The following UBL7 variants were observed in gnomAD, a reference collection of about 807,000 sequenced individuals.
The protein encoded by UBL7 is ubiquitin like 7, also known as ubiquitin-like protein 7.
Under a neutral mutation model 41.7 loss-of-function variants are expected in UBL7, and 21 were observed. The ratio of observed to expected loss-of-function variants is 0.50; its 90% CI spans 0.36 to 0.73. The LOEUF is 0.73. Among genes scored for constraint, UBL7 ranks in the 30% least tolerant of loss-of-function variants. The pLI is 0.00. For synonymous variants in UBL7, 157 were observed against 186.9 expected, an observed-to-expected ratio of 0.84 and a Z score of 1.31; for missense variants, 403 against 478.4, an observed-to-expected ratio of 0.84 and a Z score of 1.47.
chr15:74,458,673 G>C lies in UBL7; in HGVS notation c.184+11C>G, dbSNP rs1387417680. On this transcript the variant is annotated intron_variant, in intron 2 of 10. Coordinates refer to ENST00000395081, the MANE Select transcript of UBL7 (RefSeq NM_032907.5). ...AGAGCAGCAGCCCAACCCCAGTCCA[G>C]AGAGACTCACCAATCAGCTCAGGGT... The C allele has an allele frequency of 6.2e-7, 1 of 1,607,936 alleles. No individual in the cohort carries two copies. The highest frequency in any genetic ancestry group is 1.7e-5 in the Admixed American group (1 of 59,960).
At chr15:74,451,002 G>A (rs2061240559) in intron 5 of UBL7, 143 bp from the exon 6 acceptor site, 9 of 834,892 alleles carry the variant, frequency 1.1e-5, no homozygotes, top group Middle Eastern at 3.0e-4. Context: ...GAAGCAAAGC[G>A]CCAAGCAATA....
chr15:74,455,593 C>T lies in UBL7; in HGVS notation c.304+959G>A, dbSNP rs142852125. On this transcript the variant is annotated intron_variant, in intron 3 of 10. Transcript: ENST00000395081. ...TTTCTAATGAGAACAACGATAATAA[C>T]AAAAGGATACAAAGTTTACTTTGTA... 6.1e-3 allele frequency among the ~76,000 whole-genome samples: 921 copies of T among 152,218 alleles called. 6 individuals are homozygous for T. The highest frequency in any genetic ancestry group is 0.031 in the Middle Eastern group (9 of 294).
chr15:74,451,377 TCTC>T lies in UBL7; in HGVS notation c.472+56_472+58del, dbSNP rs751061931. 960 of 1,414,266 alleles carry T rather than the reference TCTC, an allele frequency of 6.8e-4. 3 individuals are homozygous for T. The highest frequency in any genetic ancestry group is 8.7e-4 in the Non-Finnish European group (872 of 1,002,346). 87.6% of individuals were successfully genotyped at this position (1,414,266 alleles called of 1,614,324 possible). On this transcript the variant is annotated intron_variant, in intron 5 of 10. Transcript: ENST00000395081. ...CCAAGTCTCTTTAGAGGAATTGTCT[TCTC>T]CTGTTTTCTCCTTTTCCGACAACTC...
At chr15:74,448,966 G>C (rs1432738210) in intron 9 of UBL7, among the ~76,000 whole-genome samples, 1 of 152,138 alleles carries the variant, frequency 6.6e-6, no homozygotes, top group African/African-American at 2.4e-5. Flanking sequence ...TGAACTAATA[G>C]GGGGGACTAC....
intron 8 of UBL7, 95 bp downstream of exon 8, chr15:74,449,531 C>T: frequency 1.9e-6 from 3 of 1,595,898 alleles, no homozygotes; most frequent in Non-Finnish European, 2.6e-6. Context: ...TGTCCATCTC[C>T]CAGCCTTGGG....
Position 74,461,111 on chromosome 15 carries a change from T to C in UBL7, c.-104A>G, listed in dbSNP as rs540294404. 4.0e-6 allele frequency: 4 copies of C among 997,862 alleles called. No homozygotes were observed. Among genetic ancestry groups the C allele is most frequent in the African/African-American group, 1.7e-5 (1 of 57,414 alleles). 61.8% of individuals were successfully genotyped at this position (997,862 alleles called of 1,614,324 possible). ...CCCAGGGCCCCAGCGCCCTCACCCG[T>C]CCCGCGGAAGGAACCCGGCCGCACT... On this transcript the variant is annotated 5_prime_UTR_variant, in exon 1 of 11. Coordinates refer to ENST00000395081, the MANE Select transcript of UBL7 (RefSeq NM_032907.5).
chr15:74,450,759 C>T (rs758940259), intron 6 of UBL7, 43 bp downstream of exon 6: 57 of 1,605,916 alleles, frequency 3.5e-5, no homozygotes, highest in Admixed American at 6.7e-5. Flanking sequence ...GGCCTGAGCA[C>T]GAGGAGAGAG....
At chr15:74,460,633 A>C (rs1363846893) in intron 1 of UBL7, 1 of 1,239,028 alleles carries the variant, frequency 8.1e-7, no homozygotes, top group Non-Finnish European at 1.0e-6. Context: ...CTTGAAAACA[A>C]AAGACTAAAG....
At chr15:74,456,255 G>A (rs954584510) in intron 3 of UBL7, among the ~76,000 whole-genome samples, 7 of 152,044 alleles carry the variant, frequency 4.6e-5, no homozygotes, top group Non-Finnish European at 8.8e-5. Flanking sequence ...CCAAGATCAA[G>A]ATTGTGCCAC....
At chr15:74,453,852 T>C (rs1332003036) in intron 3 of UBL7, among the ~76,000 whole-genome samples, 1 of 152,242 alleles carries the variant, frequency 6.6e-6, no homozygotes, top group African/African-American at 2.4e-5. Flanking sequence ...CACAAAACAG[T>C]TTCTTTACAG....
rs574300679 is a variant in UBL7, at chr15:74,446,789, T to C, written c.1006-562A>G. On this transcript the variant is annotated intron_variant, in intron 10 of 10. Transcript: ENST00000395081. The surrounding 1 kb of genome is among the most constrained non-coding windows in gnomAD (Gnocchi z 4.1). The stretch of plus-strand genomic sequence containing the variant: ...CTTTTATTTAATGGCTCCTGGATAC[T>C]GAGTTTCAGCCAAGAAAGCCCTTCC... Among the ~76,000 whole-genome samples the C allele has an allele frequency of 6.6e-6, 1 of 152,360 alleles. No homozygotes were observed. Among genetic ancestry groups the C allele is most frequent in the South Asian group, 2.1e-4 (1 of 4,834 alleles).
chr15:74,453,118 G>A (rs145052181), intron 3 of UBL7, among the ~76,000 whole-genome samples: 9 of 152,260 alleles, frequency 5.9e-5, no homozygotes, highest in African/African-American at 2.2e-4. Flanking sequence ...AAAGCAAGGT[G>A]AATAGCACCC....
Position 74,458,871 on chromosome 15 carries a change from C to A in UBL7, c.-4G>T. On this transcript the variant is annotated 5_prime_UTR_variant, in exon 2 of 11. Coordinates refer to ENST00000395081, the MANE Select transcript of UBL7 (RefSeq NM_032907.5). ...GGTGCCAGTCTGAGAGAGACATCCT[C>A]TCTCTTTCGCGCTCTCTCTTTCTCC... is the stretch of plus-strand genomic sequence containing the variant. 6.2e-7 allele frequency: 1 copy of A among 1,608,740 alleles called. No homozygotes were observed. Among genetic ancestry groups the A allele is most frequent in the Non-Finnish European group, 8.5e-7 (1 of 1,180,010 alleles).
intron 5 of UBL7, among the ~76,000 whole-genome samples, chr15:74,451,125 G>T (rs543463210): frequency 3.9e-5 from 6 of 152,142 alleles, no homozygotes; most frequent in African/African-American, 1.4e-4. Context: ...TCTTTCTCCC[G>T]TATCTCTGGG....
chr15:74,449,699 A>G (rs764116449), intron 7 of UBL7, 24 bp from the exon 8 acceptor site: 6 of 1,614,100 alleles, frequency 3.7e-6, no homozygotes, highest in Non-Finnish European at 5.1e-6. Context: ...AACAGATTTC[A>G]GGAGGAAGAA....
Position 74,452,303 on chromosome 15 carries a change from C to A in UBL7, c.380G>T (p.Arg127Met). ...GCCGCAGCACACACTCACCGCCTCC[C>A]TGTAAGAGGAGCTGCTGTGCAGGGC... ...HTALHSSSSY[R>M]EAVFKMLSNK... Residue 127 changes from arginine to methionine, a missense_variant, in exon 4 of 11, where the codon AGG (arginine) becomes ATG (methionine). By Grantham distance (91) the Arg-to-Met change is moderately conservative. Coordinates refer to ENST00000395081, the MANE Select transcript of UBL7 (RefSeq NM_032907.5). 6.4e-7 allele frequency: 1 copy of A among 1,557,154 alleles called. No homozygotes were observed. The highest frequency in any genetic ancestry group is 2.4e-5 in the East Asian group (1 of 41,742).
chr15:74,450,968 A>G, intron 5 of UBL7, 109 bp from the exon 6 acceptor site: 1 of 1,129,840 alleles, frequency 8.9e-7, no homozygotes, highest in Non-Finnish European at 1.3e-6. Context: ...CAGGACAACA[A>G]GCCAATCTTC....
In UBL7 at chr15:74,451,437, A is replaced by G. The variant is rs1226789248; in HGVS notation, c.471T>C (p.Leu157=). ...TPGLSSDPIA[L]GVLQDKDLFS... is the part of the protein sequence containing the mutation. ...CCTCAAATTCAGTCCTGCACTTACC[A>G]AGAGCAATAGGGTCACTGCTGAGGC... The change falls in exon 5 of 11, where the codon CTT becomes CTC. Residue 157 remains leucine (L), a splice_region_variant and synonymous_variant. Coordinates refer to ENST00000395081, the MANE Select transcript of UBL7 (RefSeq NM_032907.5). The G allele has an allele frequency of 3.7e-6, 6 of 1,613,818 alleles. No individual in the cohort carries two copies. The highest frequency in any genetic ancestry group is 5.1e-6 in the Non-Finnish European group (6 of 1,179,878).
chr15:74,455,737 G>A, intron 3 of UBL7, among the ~76,000 whole-genome samples: 1 of 152,192 alleles, frequency 6.6e-6, no homozygotes. Flanking sequence ...AATGGTGCCT[G>A]TACTTTGGGA....
Sources: allele counts gnomAD v4.1 joint callset (sites outside exome capture counted in the v4.1 genomes callset), GRCh38; gene constraint gnomAD v4.1.1; non-coding constraint Gnocchi (gnomAD v3.1); transcripts MANE v1.5; gene names NCBI Gene and HGNC (gene_info 2026-07-23, HGNC 2026-07-21).